The following ZNF804B variants were observed in gnomAD, a reference collection of about 807,000 sequenced individuals.
The protein encoded by ZNF804B is zinc finger protein 804B.
Under a neutral mutation model 101.4 loss-of-function variants are expected in ZNF804B, and 80 were observed. That is an observed-to-expected ratio of 0.79 (90% CI 0.66 to 0.95). The LOEUF is 0.95. Among genes scored for constraint, ZNF804B ranks in the 40% least tolerant of loss-of-function variants. ZNF804B has a pLI of 0.00. For synonymous variants in ZNF804B, 622 were observed against 558.8 expected, an observed-to-expected ratio of 1.11 and a Z score of -1.59; for missense variants, 1,673 against 1,561.9, an observed-to-expected ratio of 1.07 and a Z score of -1.20.
At chr7:88,766,366 C>T (rs942564689) in intron 1 of ZNF804B, among the ~76,000 whole-genome samples, 11 of 152,092 alleles carry the variant, frequency 7.2e-5, no homozygotes, top group Non-Finnish European at 1.0e-4. Flanking sequence ...TTAAAATATT[C>T]GCTAATGATA....
At chr7:88,985,573 G>T (rs1793748070) in intron 1 of ZNF804B, among the ~76,000 whole-genome samples, 2 of 152,034 alleles carry the variant, frequency 1.3e-5, no homozygotes, top group Admixed American at 6.6e-5. Context: ...TTCGTAGTCA[G>T]CTCACCTATT....
At chr7:89,042,940 G>A (rs1789039684) in intron 1 of ZNF804B, among the ~76,000 whole-genome samples, 1 of 152,060 alleles carries the variant, frequency 6.6e-6, no homozygotes, top group Non-Finnish European at 1.5e-5. Flanking sequence ...TATGTACGCA[G>A]GCCAATTTAA....
At chr7:88,996,152 C>T (rs114549392) in intron 1 of ZNF804B, among the ~76,000 whole-genome samples, 199 of 152,076 alleles carry the variant, frequency 1.3e-3, no homozygotes, top group African/African-American at 4.6e-3. Flanking sequence ...AATTTCATTG[C>T]AAATGTACTC....
At chr7:89,155,298 T>G (rs752291093) in intron 1 of ZNF804B, among the ~76,000 whole-genome samples, 1 of 152,004 alleles carries the variant, frequency 6.6e-6, no homozygotes, top group Non-Finnish European at 1.5e-5. Context: ...AAAAAAGGAG[T>G]TAGCTCAGAT....
chr7:89,147,582 T>C (rs904167916), intron 1 of ZNF804B, among the ~76,000 whole-genome samples: 3 of 152,026 alleles, frequency 2.0e-5, no homozygotes, highest in African/African-American at 7.2e-5. Context: ...TGCCCTGGGC[T>C]GCTACCAGTC....
rs114751268 is a variant in ZNF804B at position 89,064,374 on chromosome 7, G to A, written c.109-153781G>A. ...CAAGTCCTTCCTTGACAAGGAAGCT[G>A]CTCGGTATAACCCGTGTCTACCATA... On this transcript the variant is annotated intron_variant, in intron 1 of 3. Coordinates refer to ENST00000333190, the MANE Select transcript of ZNF804B (RefSeq NM_181646.5). Among the ~76,000 whole-genome samples, 381 of 152,290 alleles carry A rather than the reference G, an allele frequency of 2.5e-3. 5 individuals carry two copies. The highest frequency in any genetic ancestry group is 8.4e-3 in the African/African-American group (350 of 41,566).
intron 2 of ZNF804B, among the ~76,000 whole-genome samples, chr7:89,256,504 C>T (rs1267684648): frequency 1.3e-5 from 2 of 149,510 alleles, no homozygotes; most frequent in Non-Finnish European, 2.9e-5. Context: ...GTGTTTGGGC[C>T]GCTGTATGCC....
intron 2 of ZNF804B, among the ~76,000 whole-genome samples, chr7:89,277,418 G>A (rs947250529): frequency 7.6e-6 from 1 of 130,786 alleles, no homozygotes; most frequent in Non-Finnish European, 1.6e-5. Flanking sequence ...ATGCTGGTGC[G>A]CTGCACCCAC....
At chr7:89,278,500 T>G (rs1790026363) in intron 2 of ZNF804B, among the ~76,000 whole-genome samples, 1 of 151,668 alleles carries the variant, frequency 6.6e-6, no homozygotes, top group African/African-American at 2.4e-5. Flanking sequence ...CGTTTCAGTC[T>G]TTAATGCATC....
chr7:89,251,313 C>CT (rs1789536830), intron 2 of ZNF804B, among the ~76,000 whole-genome samples: 1 of 151,910 alleles, frequency 6.6e-6, no homozygotes, highest in Non-Finnish European at 1.5e-5. Context: ...CAAGGTGAGA[C>CT]CCAAATCAAA....
chr7:88,864,213 C>T (rs1165096945), intron 1 of ZNF804B, among the ~76,000 whole-genome samples: 1 of 152,134 alleles, frequency 6.6e-6, no homozygotes, highest in Non-Finnish European at 1.5e-5. Flanking sequence ...GGGACTATTT[C>T]TGATTCAGTT....
intron 1 of ZNF804B, among the ~76,000 whole-genome samples, chr7:89,198,707 AAGAATACAAT>A (rs1788589503): frequency 1.3e-5 from 2 of 152,064 alleles, no homozygotes; most frequent in South Asian, 4.1e-4. Flanking sequence ...ATAAAGTAGT[AAGAATACAAT>A]AGAAAATATA....
At chr7:88,765,167 T>C (rs1180555910) in intron 1 of ZNF804B, among the ~76,000 whole-genome samples, 1 of 152,124 alleles carries the variant, frequency 6.6e-6, no homozygotes, top group East Asian at 1.9e-4. Flanking sequence ...TTTATTAGAT[T>C]ACACTACATT....
intron 1 of ZNF804B, among the ~76,000 whole-genome samples, chr7:89,209,755 T>C (rs1788774576): frequency 6.6e-6 from 1 of 152,194 alleles, no homozygotes; most frequent in South Asian, 2.1e-4. Flanking sequence ...CTTTTTATTA[T>C]TATTATTAAT....
At position 89,336,577 on chromosome 7, in the gene ZNF804B, C is replaced by T; in HGVS notation, c.3595C>T (p.Pro1199Ser). The change falls in exon 4 of 4, where the codon CCA becomes TCA. Residue 1199 changes from proline to serine, a missense_variant. Pro to Ser is a moderately conservative substitution (Grantham distance 74). Coordinates refer to ENST00000333190, the MANE Select transcript of ZNF804B (RefSeq NM_181646.5). ...TCCGGCCTCAACCGTACAGACAGTT[C>T]CAGTTCACCAGCACACTTCTATCAC... Reference protein sequence around the residue: ...FSPASTVQTVPVHQHTSITTI... With the variant: ...FSPASTVQTVSVHQHTSITTI... The T allele has an allele frequency of 6.2e-7, 1 of 1,614,126 alleles. No homozygotes were observed. The highest frequency in any genetic ancestry group is 1.1e-5 in the South Asian group (1 of 91,084).
intron 2 of ZNF804B, among the ~76,000 whole-genome samples, chr7:89,264,644 G>A (rs561539509): frequency 6.6e-6 from 1 of 152,032 alleles, no homozygotes; most frequent in Non-Finnish European, 1.5e-5. Flanking sequence ...ATAATCCAAG[G>A]TTCTGCCTTT....
intron 1 of ZNF804B, among the ~76,000 whole-genome samples, chr7:89,168,921 G>A (rs1324063933): frequency 6.6e-6 from 1 of 152,082 alleles, no homozygotes; most frequent in African/African-American, 2.4e-5. Flanking sequence ...GAAGCCTTTT[G>A]TTCTCTGACC....
intron 1 of ZNF804B, among the ~76,000 whole-genome samples, chr7:88,817,180 A>T (rs535498973): frequency 6.6e-6 from 1 of 152,290 alleles, no homozygotes; most frequent in East Asian, 1.9e-4. Flanking sequence ...GAACTGAACA[A>T]TGAGAACACA....
intron 1 of ZNF804B, among the ~76,000 whole-genome samples, chr7:89,205,475 G>A (rs1788701756): frequency 6.6e-6 from 1 of 152,204 alleles, no homozygotes; most frequent in Admixed American, 6.5e-5. Flanking sequence ...AGTGGGTACA[G>A]GCAATGGTTA....
Sources: allele counts gnomAD v4.1 joint callset (sites outside exome capture counted in the v4.1 genomes callset), GRCh38; gene constraint gnomAD v4.1.1; transcripts MANE v1.5; gene names NCBI Gene and HGNC (gene_info 2026-07-23, HGNC 2026-07-21).